The following DHRS12 variants were observed in gnomAD, a reference collection of about 807,000 sequenced individuals.
DHRS12 encodes dehydrogenase/reductase 12.
DHRS12 carries 29 observed loss-of-function variants against 32.1 expected under a neutral mutation model. The observed-to-expected ratio is 0.90, with a 90% CI of 0.67 to 1.23. DHRS12 has a LOEUF of 1.23. Among genes scored for constraint, DHRS12 ranks in the 50% most tolerant of loss-of-function variants. DHRS12 has a pLI of 0.00. For missense variants in DHRS12, 330 were observed against 337.2 expected, an observed-to-expected ratio of 0.98 and a Z score of 0.17; for synonymous variants, 150 against 135.9, an observed-to-expected ratio of 1.10 and a Z score of -0.72.
chr13:51,798,386 G>T (rs1385341309), intron 2 of DHRS12, among the ~76,000 whole-genome samples: 1 of 152,224 alleles, frequency 6.6e-6, no homozygotes, highest in Non-Finnish European at 1.5e-5. Context: ...TTGACTGAAT[G>T]TTGAGTCCAT....
At position 51,791,218 on chromosome 13, in the gene DHRS12, G is replaced by T. The variant is rs61729904; in HGVS notation, c.166C>A (p.Gln56Lys). 0.1 allele frequency: 157,665 copies of T among 1,568,802 alleles called. 8,871 individuals are homozygous for T. The highest frequency in any genetic ancestry group is 0.15 in the Admixed American group (8,458 of 55,334). The part of the protein sequence containing the change: ...LHIVDLSDPK[Q>K]IWKFVENFKQ... Reference sequence around the variant, plus strand: ...AAATTTTCAACAAATTTCCAGATTTGCTTGGGATCAGACAAGTCCACAATG... The same window carrying T: ...AAATTTTCAACAAATTTCCAGATTTTCTTGGGATCAGACAAGTCCACAATG... Residue 56 changes from glutamine to lysine, a missense_variant, in exon 3 of 9, where the codon CAA becomes AAA. Transcript: ENST00000444610.
chr13:51,756,618 G>A, the DHRS12 span: 1 of 985,394 alleles, frequency 1.0e-6, no homozygotes, highest in Non-Finnish European at 1.2e-6. Flanking sequence ...TTGCCACCAA[G>A]AGATTTGTGG....
At chr13:51,779,951 C>A (rs1040297499) in intron 4 of DHRS12, among the ~76,000 whole-genome samples, 1 of 151,750 alleles carries the variant, frequency 6.6e-6, no homozygotes, top group Non-Finnish European at 1.5e-5. Flanking sequence ...CCGAGGCGGG[C>A]GGATCACTTG....
In DHRS12 at chr13:51,790,054, G is replaced by A; in HGVS notation, c.258C>T (p.Leu86=). 1.9e-6 allele frequency: 3 copies of A among 1,602,198 alleles called. No homozygotes were observed. Among genetic ancestry groups the A allele is most frequent in the Non-Finnish European group, 8.5e-7 (1 of 1,176,148 alleles). ...AGTTTTTTTCAAGTCCATCTTCTGT[G>A]AGCTCTCTTTTATTGACCATGCAAC... ...NAGCMVNKRE[L]TEDGLEKNFA... The change falls in exon 4 of 9, where the codon CTC becomes CTT. Residue 86 remains leucine (L), a synonymous_variant. Coordinates refer to ENST00000444610, the MANE Select transcript of DHRS12 (RefSeq NM_001377533.1).
In DHRS12 at chr13:51,777,069, G is replaced by A. The variant is rs755960611; in HGVS notation, c.354C>T (p.Asp118=). 1.2e-6 allele frequency: 2 copies of A among 1,613,986 alleles called. No homozygotes were observed. The highest frequency in any genetic ancestry group is 1.3e-5 in the African/African-American group (1 of 74,910). The change falls in exon 5 of 9, where the codon GAC becomes GAT. Residue 118 remains aspartate, a synonymous_variant. Transcript: ENST00000444610. The part of the protein sequence containing the change: ...GLIPVLEKEH[D]PRVITVSSGG... ...CATAAGGTCAACTCACCACTCGGGG[G>A]TCGTGTTCTTTCTCCAGCACAGGGA...
Position 51,791,270 on chromosome 13 carries a change from G to T in DHRS12, c.127-13C>A. 7 of 1,097,004 alleles carry T rather than the reference G, an allele frequency of 6.4e-6. No homozygotes were observed. The highest frequency in any genetic ancestry group is 4.8e-5 in the South Asian group (2 of 41,604). 68.0% of individuals were successfully genotyped at this position (1,097,004 alleles called of 1,614,324 possible). On this transcript the variant is annotated splice_polypyrimidine_tract_variant and intron_variant, in intron 2 of 8. Coordinates refer to ENST00000444610, the MANE Select transcript of DHRS12 (RefSeq NM_001377533.1). ...GCAGAAAAATGTTCTAAATTAGAAAGCAAAAAAAAAAAAAACCCTTTTTAA... is the reference window on the plus strand; with the variant it reads ...GCAGAAAAATGTTCTAAATTAGAAATCAAAAAAAAAAAAAACCCTTTTTAA...
chr13:51,787,712 T>C (rs1014912334), intron 4 of DHRS12, among the ~76,000 whole-genome samples: 3 of 139,714 alleles, frequency 2.1e-5, no homozygotes, highest in African/African-American at 7.9e-5. Context: ...AAATATATAA[T>C]TTATATAAAA....
At chr13:51,794,330 C>G (rs1411599427) in intron 2 of DHRS12, among the ~76,000 whole-genome samples, 1 of 152,102 alleles carries the variant, frequency 6.6e-6, no homozygotes, top group Non-Finnish European at 1.5e-5. Flanking sequence ...GGGGACTGAT[C>G]CCCCCATCAG....
At chr13:51,779,586 G>A (rs1038018761) in intron 4 of DHRS12, among the ~76,000 whole-genome samples, 28 of 152,236 alleles carry the variant, frequency 1.8e-4, no homozygotes, top group Non-Finnish European at 2.8e-4. Context: ...AAGCAGAGAC[G>A]GAGAGTGAAC....
chr13:51,758,427 T>C, the DHRS12 span: 1 of 546,066 alleles, frequency 1.8e-6, no homozygotes, highest in Non-Finnish European at 3.2e-6. Flanking sequence ...GGCATGTGTC[T>C]GTAGTCCCAG....
intron 6 of DHRS12, among the ~76,000 whole-genome samples, chr13:51,772,180 C>G (rs972002444): frequency 2.0e-5 from 3 of 152,140 alleles, no homozygotes; most frequent in African/African-American, 7.2e-5. Context: ...GCCCACCCCC[C>G]ATGAAATTAC....
At chr13:51,763,422 A>G (rs1593492314), downstream of DHRS12, 1 of 152,070 alleles carries the variant, frequency 6.6e-6, no homozygotes, top group South Asian at 2.1e-4. Context: ...CTTAAAATTC[A>G]CCCTGCCCCG....
chr13:51,799,730 G>A, intron 1 of DHRS12, 63 bp from the exon 2 acceptor site: 1 of 1,577,434 alleles, frequency 6.3e-7, no homozygotes, highest in Non-Finnish European at 8.6e-7. Flanking sequence ...ACCCCTGCAG[G>A]AGAAAGCCTA....
At chr13:51,786,165 TC>T (rs1408424607) in intron 4 of DHRS12, among the ~76,000 whole-genome samples, 1 of 152,214 alleles carries the variant, frequency 6.6e-6, no homozygotes, top group Non-Finnish European at 1.5e-5. Context: ...AAGGTGAACT[TC>T]CTCGCCTCCT....
chr13:51,778,885 A>G (rs1346038158), intron 4 of DHRS12, among the ~76,000 whole-genome samples: 1 of 152,152 alleles, frequency 6.6e-6, no homozygotes, highest in Non-Finnish European at 1.5e-5. Flanking sequence ...TACACAATAT[A>G]TAAGTATGTA....
the DHRS12 span, among the ~76,000 whole-genome samples, chr13:51,756,954 A>C: frequency 6.6e-6 from 1 of 152,170 alleles, no homozygotes. Flanking sequence ...GTAACCCAGG[A>C]CATAGGTTAC....
chr13:51,760,548 C>A, the DHRS12 span: 1 of 152,300 alleles, frequency 6.6e-6, no homozygotes, highest in South Asian at 2.1e-4. Flanking sequence ...GTGCCTGGAT[C>A]ATTTAGAATT....
At position 51,771,571 on chromosome 13, in the gene DHRS12, GCA is replaced by G. The variant is rs200398030; in HGVS notation, c.559+248_559+249del. ...CTGTAGTTAGCAGGGCGCCCCAGGCGCACCTGCTCCCGTTCCCACCATCTCCT... is the reference window on the plus strand; with the variant it reads ...CTGTAGTTAGCAGGGCGCCCCAGGCGCCTGCTCCCGTTCCCACCATCTCCT... On this transcript the variant is annotated intron_variant, in intron 7 of 8. Transcript: ENST00000444610. The G allele has an allele frequency of 1.5e-3, 2,416 of 1,574,084 alleles. 24 individuals carry two copies. In the African/African-American group the frequency reaches 0.028, roughly 19 times the overall value.
At chr13:51,759,902 T>TGGGTAATCTGCAAA in the DHRS12 span, 3 of 1,002,334 alleles carry the variant, frequency 3.0e-6, no homozygotes, top group Non-Finnish European at 4.5e-6. Flanking sequence ...AATTTGCAGA[T>TGGGTAATCTGCAAA]TACCCATGTG....
Sources: gnomAD v4.1 joint callset for allele counts (sites outside exome capture counted in the v4.1 genomes callset) on GRCh38, gnomAD v4.1.1 for gene constraint, MANE v1.5 for transcripts, NCBI Gene and HGNC (gene_info 2026-07-23, HGNC 2026-07-21) for gene names.